The following ASB3 variants were observed in gnomAD, a reference collection of about 807,000 sequenced individuals.
The protein encoded by ASB3 is ankyrin repeat and SOCS box protein 3.
In ASB3, 41 loss-of-function variants were observed where a neutral mutation model predicts 54.5. The observed-to-expected ratio is 0.75, with a 90% CI of 0.59 to 0.98. The LOEUF is 0.98. ASB3 is among the 50% of genes least tolerant of loss of function. ASB3 has a pLI of 0.00. For synonymous variants in ASB3, 266 were observed against 221.2 expected (o/e 1.20, Z -1.80); for missense variants, 733 against 620.0 (o/e 1.18, Z -1.94).
At chr2:53,686,119 A>T (rs1668618805) in intron 9 of ASB3, among the ~76,000 whole-genome samples, 1 of 152,190 alleles carries the variant, frequency 6.6e-6, no homozygotes, top group African/African-American at 2.4e-5. Flanking sequence ...GTATCATGGA[A>T]GAAGCCTCTT....
intron 5 of ASB3, among the ~76,000 whole-genome samples, chr2:53,719,889 A>G (rs993467524): frequency 7.2e-5 from 11 of 152,150 alleles, no homozygotes; most frequent in African/African-American, 2.4e-4. Flanking sequence ...TGAAAGGAAA[A>G]TAAATCTTGG....
chr2:53,711,894 T>C (rs1031944062), intron 7 of ASB3, among the ~76,000 whole-genome samples: 2 of 152,234 alleles, frequency 1.3e-5, no homozygotes, highest in East Asian at 1.9e-4. Context: ...TAGTTTCTTT[T>C]TGAATTTTGA....
At chr2:53,684,453 G>A (rs1668534172) in intron 9 of ASB3, among the ~76,000 whole-genome samples, 7 of 152,090 alleles carry the variant, frequency 4.6e-5, no homozygotes, top group South Asian at 4.1e-4. Flanking sequence ...ACCAGAATTC[G>A]ATTTAGACGA....
intron 5 of ASB3, among the ~76,000 whole-genome samples, chr2:53,723,207 G>T (rs1670803636): frequency 6.6e-6 from 1 of 151,878 alleles, no homozygotes. Flanking sequence ...ACAAACAAAC[G>T]GAAAACGCTG....
intron 8 of ASB3, among the ~76,000 whole-genome samples, chr2:53,699,981 T>C (rs901594510): frequency 6.6e-6 from 1 of 152,188 alleles, no homozygotes; most frequent in Admixed American, 6.5e-5. Context: ...GTTACAGGCA[T>C]TTTAAGAGAA....
At chr2:53,674,101 C>T (rs1007756789) in intron 9 of ASB3, among the ~76,000 whole-genome samples, 1 of 152,166 alleles carries the variant, frequency 6.6e-6, no homozygotes, top group African/African-American at 2.4e-5. Context: ...GCTAGAAGAT[C>T]AAGCCATGCC....
In ASB3 at chr2:53,749,809, C is replaced by A. The variant is rs1485096859; in HGVS notation, c.355+974G>T. ...GAAAATATTGATTAAAAATTGGCAG[C>A]ATGATGGAATTTTGAGGAGTGATGG... On this transcript the variant is annotated intron_variant, in intron 3 of 9. Transcript: ENST00000263634. 2.0e-5 allele frequency among the ~76,000 whole-genome samples: 3 copies of A among 151,898 alleles called. No individual in the cohort carries two copies. The East Asian group carries it at 5.8e-4, about 29-fold the overall frequency.
intron 8 of ASB3, among the ~76,000 whole-genome samples, chr2:53,695,775 T>A (rs116156604): frequency 6.6e-6 from 1 of 152,186 alleles, no homozygotes. Flanking sequence ...TATGTTCTAT[T>A]ATCCCATTAA....
intron 3 of ASB3, among the ~76,000 whole-genome samples, chr2:53,730,210 G>A (rs750258010): frequency 1.1e-4 from 17 of 152,138 alleles, no homozygotes; most frequent in Non-Finnish European, 2.1e-4. Flanking sequence ...ATTTAAGCAC[G>A]AAGTTAATGA....
intron 9 of ASB3, among the ~76,000 whole-genome samples, chr2:53,683,809 T>C (rs1668502100): frequency 6.6e-6 from 1 of 152,164 alleles, no homozygotes; most frequent in Admixed American, 6.5e-5. Context: ...TCGGTTATAA[T>C]GTCTTCTTTT....
chr2:53,722,647 CAAACA>C (rs1186118560), intron 5 of ASB3, among the ~76,000 whole-genome samples: 2 of 152,072 alleles, frequency 1.3e-5, no homozygotes, highest in East Asian at 1.9e-4. Flanking sequence ...AAAAACAAAA[CAAACA>C]AAACAAAACC....
intron 1 of ASB3, chr2:53,768,191 T>G: frequency 5.3e-6 from 4 of 760,624 alleles, no homozygotes; most frequent in African/African-American, 1.8e-5. Flanking sequence ...CCGCCATCTC[T>G]AACCCAGCCC....
chr2:53,682,532 A>G (rs530816399), intron 9 of ASB3, among the ~76,000 whole-genome samples: 1 of 152,230 alleles, frequency 6.6e-6, no homozygotes, highest in South Asian at 2.1e-4. Context: ...GCTGGAGTGC[A>G]GTGGTGCGAT....
chr2:53,701,349 C>G (rs1456682305), intron 7 of ASB3, among the ~76,000 whole-genome samples: 3 of 152,136 alleles, frequency 2.0e-5, no homozygotes, highest in Non-Finnish European at 4.4e-5. Flanking sequence ...AATTAATTAA[C>G]TTCTATTATT....
At chr2:53,705,808 G>C (rs142401898) in intron 7 of ASB3, among the ~76,000 whole-genome samples, 20 of 151,370 alleles carry the variant, frequency 1.3e-4, no homozygotes, top group African/African-American at 4.9e-4. Context: ...CTTTAAATTT[G>C]TTTTTAACCT....
chr2:53,765,191 A>G (rs971518130), intron 2 of ASB3, among the ~76,000 whole-genome samples, 186 bp downstream of exon 2: 9 of 152,264 alleles, frequency 5.9e-5, no homozygotes, highest in Non-Finnish European at 8.8e-5. Context: ...ATGTCCAACT[A>G]GAGTATCATA....
At chr2:53,706,780 C>T (rs1332871614) in intron 7 of ASB3, among the ~76,000 whole-genome samples, 1 of 152,156 alleles carries the variant, frequency 6.6e-6, no homozygotes, top group Non-Finnish European at 1.5e-5. Context: ...CTTCCCCCAG[C>T]ATTCTCAGCC....
intron 9 of ASB3, among the ~76,000 whole-genome samples, chr2:53,693,045 C>A (rs1318245652): frequency 6.6e-6 from 1 of 152,076 alleles, no homozygotes; most frequent in Admixed American, 6.6e-5. Flanking sequence ...TTAGAAGACA[C>A]ATTTCTACAT....
At chr2:53,771,972 T>C (rs755428023) in intron 1 of ASB3, 1 of 1,242,442 alleles carries the variant, frequency 8.0e-7, no homozygotes, top group East Asian at 2.5e-5. Context: ...TTTTGTATAA[T>C]TTTAATTTTA....
Sources: allele counts gnomAD v4.1 joint callset (sites outside exome capture counted in the v4.1 genomes callset), GRCh38; gene constraint gnomAD v4.1.1; transcripts MANE v1.5; gene names NCBI Gene and HGNC (gene_info 2026-07-23, HGNC 2026-07-21).